SEMA4D: variants seen among roughly 807,000 people sequenced by gnomAD.
SEMA4D encodes the protein semaphorin 4D, also known as semaphorin-4D.
A neutral mutation model predicts 74.8 loss-of-function variants in SEMA4D; 22 were observed. That is an observed-to-expected ratio of 0.29 (90% CI 0.21 to 0.42). The LOEUF (loss-of-function observed/expected upper bound fraction) is 0.42, where lower values mean the gene tolerates loss of function less well. Among genes scored for constraint, SEMA4D ranks in the 10% least tolerant of loss-of-function variants. SEMA4D has a pLI of 1.00. For missense variants in SEMA4D, 937 were observed against 1,118.4 expected (o/e 0.84, Z 2.31); for synonymous variants, 445 against 463.7 (o/e 0.96, Z 0.52).
At chr9:89,486,776 G>A (rs904573469) in intron 1 of SEMA4D, among the ~76,000 whole-genome samples, 8 of 152,142 alleles carry the variant, frequency 5.3e-5, no homozygotes, top group African/African-American at 1.7e-4. Context: ...GCATAGTGGT[G>A]TATGCTTGTA....
At chr9:89,391,168 A>C in intron 9 of SEMA4D, 96 bp downstream of exon 9, 1 of 1,212,528 alleles carries the variant, frequency 8.2e-7, no homozygotes, top group Non-Finnish European at 1.2e-6. Context: ...GTGCTAGGGA[A>C]AGTGACATTT....
rs1317914694 is a variant in SEMA4D, at chr9:89,381,311, G to A, written c.1482C>T (p.Gly494=). 7 of 1,530,798 alleles carry A rather than the reference G, an allele frequency of 4.6e-6. No individual in the cohort carries two copies. Among genetic ancestry groups the A allele is most frequent in the Non-Finnish European group, 6.2e-6 (7 of 1,135,196 alleles). The allele number at this position is 1,530,798 out of a possible 1,614,324, so 94.8% of individuals were successfully genotyped here. A position where few individuals can be genotyped will look rare whatever the true frequency, so the allele number is the denominator to read the frequency against. ...NRFVYAGSNS[G]VVQAPLAFCG... ...AGAAGGCCAGCGGGGCCTGGACCAC[G>A]CCCGAGTTAGAGCCAGCATAGACAA... Residue 494 remains glycine (G), a synonymous_variant, in exon 14 of 16, where the codon GGC becomes GGT. Coordinates refer to ENST00000422704, the MANE Select transcript of SEMA4D (RefSeq NM_001371194.2). The surrounding 1 kb of genome is among the most constrained non-coding windows in gnomAD (Gnocchi z 4.6).
At chr9:89,443,907 A>AG (rs1852235055) in intron 2 of SEMA4D, among the ~76,000 whole-genome samples, 1 of 152,290 alleles carries the variant, frequency 6.6e-6, no homozygotes, top group African/African-American at 2.4e-5. Context: ...GGGCATCCTC[A>AG]GGGGCCCAGA....
At chr9:89,478,704 G>A (rs938209128) in intron 1 of SEMA4D, among the ~76,000 whole-genome samples, 2 of 152,072 alleles carry the variant, frequency 1.3e-5, no homozygotes, top group African/African-American at 4.8e-5. Flanking sequence ...TTAGGGGTCT[G>A]CCTCTTGTTC....
intron 3 of SEMA4D, among the ~76,000 whole-genome samples, chr9:89,404,714 A>G (rs1282297306): frequency 6.7e-6 from 1 of 149,960 alleles, no homozygotes; most frequent in African/African-American, 2.5e-5. Context: ...CCACCGCAGC[A>G]TCCCAGGAAG....
downstream of SEMA4D, among the ~76,000 whole-genome samples, chr9:89,374,319 T>G (rs745668149): frequency 2.6e-5 from 4 of 152,214 alleles, no homozygotes; most frequent in Non-Finnish European, 5.9e-5. Flanking sequence ...CATATCCATC[T>G]GTGACCGCCA....
At chr9:89,368,455 A>G (rs542629145) in intron 16 of SEMA4D, 5 of 152,706 alleles carry the variant, frequency 3.3e-5, no homozygotes, top group African/African-American at 9.6e-5. Context: ...GGTCTTTTCT[A>G]ATCCTGGCCA....
rs959350597 is a variant in SEMA4D, at chr9:89,452,537, C to T, written c.-244+3351G>A. On this transcript the variant is annotated intron_variant, in intron 2 of 15. Coordinates refer to ENST00000422704, the MANE Select transcript of SEMA4D (RefSeq NM_001371194.2). ...TGCGATCTCAGCTCACTGCAACCTC[C>T]GCCTCCTGGCTTCAAGCGATTCTCC... Among the ~76,000 whole-genome samples, 3 of 152,128 alleles carry T rather than the reference C, an allele frequency of 2.0e-5. No individual in the cohort carries two copies. The South Asian group carries it at 6.2e-4, about 32-fold the overall frequency.
At chr9:89,472,600 T>A (rs1421908270) in intron 1 of SEMA4D, 3 of 211,452 alleles carry the variant, frequency 1.4e-5, no homozygotes, top group African/African-American at 4.7e-5. Context: ...AAAGATGTCC[T>A]GCAAGAGCTT....
chr9:89,492,838 G>A lies in SEMA4D; in HGVS notation c.-310+5081C>T, dbSNP rs1825736022. Among the ~76,000 whole-genome samples the A allele has an allele frequency of 2.0e-5, 3 of 152,224 alleles. No individual in the cohort carries two copies. The South Asian group carries it at 6.2e-4, about 32-fold the overall frequency. On this transcript the variant is annotated intron_variant, in intron 1 of 15. Coordinates refer to ENST00000422704, the MANE Select transcript of SEMA4D (RefSeq NM_001371194.2). The surrounding 1 kb of genome is among the most constrained non-coding windows in gnomAD (Gnocchi z 4.3). Reference sequence around the variant, plus strand: ...ACCGCCCTCCTACCATTGCTCATGTGTGCCTAAGTGTCCCCTCACCACTCC... The same window carrying A: ...ACCGCCCTCCTACCATTGCTCATGTATGCCTAAGTGTCCCCTCACCACTCC...
In SEMA4D at chr9:89,493,331, C is replaced by T. The variant is rs181084996; in HGVS notation, c.-310+4588G>A. 8.7e-4 allele frequency among the ~76,000 whole-genome samples: 132 copies of T among 152,298 alleles called. 1 individual carries two copies. Among genetic ancestry groups the T allele is most frequent in the Non-Finnish European group, 1.5e-3 (102 of 68,012 alleles). ...GGTTCTGTGCAGGCGCAAAGGCAGGCGGCTCCTGGCAGCACAACAATGAAC... is the reference window on the plus strand; with the variant it reads ...GGTTCTGTGCAGGCGCAAAGGCAGGTGGCTCCTGGCAGCACAACAATGAAC... On this transcript the variant is annotated intron_variant, in intron 1 of 15. Transcript: ENST00000422704.
Position 89,409,121 on chromosome 9 carries a change from T to C in SEMA4D, c.-243-3422A>G, listed in dbSNP as rs192949543. 6.6e-5 allele frequency among the ~76,000 whole-genome samples: 10 copies of C among 152,208 alleles called. No individual in the cohort carries two copies. In the East Asian group the frequency reaches 7.7e-4, roughly 12 times the overall value. On this transcript the variant is annotated intron_variant, in intron 2 of 15. Coordinates refer to ENST00000422704, the MANE Select transcript of SEMA4D (RefSeq NM_001371194.2). ...TAAAAATAAATAAGCCATTAGGCCA[T>C]GAAAAGACACAGAGGAACTTTAAAA...
At position 89,484,421 on chromosome 9, in the gene SEMA4D, G is replaced by A. The variant is rs1824982938; in HGVS notation, c.-310+13498C>T. Among the ~76,000 whole-genome samples the A allele has an allele frequency of 6.6e-6, 1 of 152,002 alleles. No homozygotes were observed. The highest frequency in any genetic ancestry group is 1.5e-5 in the Non-Finnish European group (1 of 67,976). On this transcript the variant is annotated intron_variant, in intron 1 of 15. Transcript: ENST00000422704. This position sits in a 1 kb window ranked among gnomAD's most constrained non-coding sequence, Gnocchi z 4.1. The stretch of plus-strand genomic sequence containing the variant: ...GTGTGGGGTTTGATGTGTGGTGTGT[G>A]TGGTGTGTATGTGTACAGTGTGTGT...
At chr9:89,405,768 G>GC in intron 2 of SEMA4D, 69 bp from the exon 3 acceptor site, 1 of 1,325,342 alleles carries the variant, frequency 7.5e-7, no homozygotes, top group Non-Finnish European at 9.6e-7. Flanking sequence ...CTGCTCTGTA[G>GC]CCCCTCTGCT....
chr9:89,384,947 C>T (rs1838098157), intron 13 of SEMA4D: 2 of 985,442 alleles, frequency 2.0e-6, no homozygotes, highest in Non-Finnish European at 2.4e-6. Flanking sequence ...TGTATTTCCG[C>T]TTGTCCAGGC....
At chr9:89,480,668 G>C (rs987427727) in intron 1 of SEMA4D, among the ~76,000 whole-genome samples, 1 of 152,246 alleles carries the variant, frequency 6.6e-6, no homozygotes, top group African/African-American at 2.4e-5. Flanking sequence ...CGGGTGCTAA[G>C]TCCCCCATTG....
At chr9:89,459,769 C>A (rs955231327) in intron 1 of SEMA4D, among the ~76,000 whole-genome samples, 1 of 152,172 alleles carries the variant, frequency 6.6e-6, no homozygotes, top group South Asian at 2.1e-4. Flanking sequence ...GACCAAGGTC[C>A]TCAGCTGGTC....
intron 1 of SEMA4D, among the ~76,000 whole-genome samples, chr9:89,457,317 G>A (rs1856184560): frequency 6.6e-6 from 1 of 152,138 alleles, no homozygotes; most frequent in Non-Finnish European, 1.5e-5. Context: ...TGGACACAAA[G>A]CTACACCATG....
At chr9:89,449,741 G>A in intron 2 of SEMA4D, 1 of 1,521,674 alleles carries the variant, frequency 6.6e-7, no homozygotes, top group Non-Finnish European at 9.1e-7. Context: ...AAGAAACAGG[G>A]AAAATCTTCA....
Sources: allele counts gnomAD v4.1 joint callset (sites outside exome capture counted in the v4.1 genomes callset), GRCh38; gene constraint gnomAD v4.1.1; non-coding constraint Gnocchi (gnomAD v3.1); transcripts MANE v1.5; gene names NCBI Gene and HGNC (gene_info 2026-07-23, HGNC 2026-07-21).